DNAJC6: variants seen among roughly 807,000 people sequenced by gnomAD.
The protein encoded by DNAJC6 is auxilin.
Under a neutral mutation model 110.0 loss-of-function variants are expected in DNAJC6, and 34 were observed. That is an observed-to-expected ratio of 0.31 (90% CI 0.24 to 0.41). DNAJC6 has a LOEUF of 0.41. DNAJC6 is among the 10% of genes least tolerant of loss of function. The probability of loss-of-function intolerance (pLI) is 1.00; values close to 1 mark genes in which losing one functional copy is unlikely to be tolerated. For synonymous variants in DNAJC6, 406 were observed against 437.2 expected, an observed-to-expected ratio of 0.93 and a Z score of 0.89; for missense variants, 1,031 against 1,207.8, an observed-to-expected ratio of 0.85 and a Z score of 2.17.
Position 65,309,915 on chromosome 1 carries a change from G to T in DNAJC6, c.170G>T (p.Arg57Leu), listed in dbSNP as rs747115530. 5 of 1,531,138 alleles carry T rather than the reference G, an allele frequency of 3.3e-6. No individual in the cohort carries two copies. Among genetic ancestry groups the T allele is most frequent in the Middle Eastern group, 1.8e-4 (1 of 5,604 alleles). The allele number at this position is 1,531,138 out of a possible 1,614,324, so 94.8% of individuals were successfully genotyped here. The change falls in exon 1 of 19, where the codon CGC becomes CTC. Residue 57 changes from arginine to leucine, a missense_variant. Transcript: ENST00000371069. ...AGTCCCGCCCGACAGCCTCCGGACC[G>T]CGCCAGCACCATGGACAGCTCAGGT... ...ARSPARQPPD[R>L]ASTMDSSGAS...
intron 4 of DNAJC6, among the ~76,000 whole-genome samples, chr1:65,368,560 C>T (rs970474352): frequency 1.3e-5 from 2 of 149,586 alleles, no homozygotes; most frequent in African/African-American, 5.0e-5. Flanking sequence ...CTCCTTCCTT[C>T]CTTCCTTCTT....
At chr1:65,270,220 A>G (rs1653460747) in intron 1 of DNAJC6, among the ~76,000 whole-genome samples, 1 of 152,172 alleles carries the variant, frequency 6.6e-6, no homozygotes, top group Non-Finnish European at 1.5e-5. Flanking sequence ...GCATTTGCAT[A>G]TTGAAATACA....
chr1:65,389,895 C>T (rs1044179371), intron 11 of DNAJC6, among the ~76,000 whole-genome samples: 1 of 152,154 alleles, frequency 6.6e-6, no homozygotes, highest in Non-Finnish European at 1.5e-5. Flanking sequence ...TGCCTGTAGT[C>T]CTAGCTATGT....
intron 16 of DNAJC6, among the ~76,000 whole-genome samples, chr1:65,407,894 C>T (rs1646092615): frequency 6.6e-6 from 1 of 152,176 alleles, no homozygotes; most frequent in Admixed American, 6.5e-5. Flanking sequence ...ACTGTATGGA[C>T]TGTTATGTTT....
chr1:65,349,083 T>A (rs906748755), intron 1 of DNAJC6, among the ~76,000 whole-genome samples: 2 of 137,594 alleles, frequency 1.5e-5, no homozygotes, highest in African/African-American at 5.4e-5. Flanking sequence ...TATAAAAATA[T>A]ATATGTAAAT....
chr1:65,345,303 T>C (rs1645427271), intron 1 of DNAJC6, among the ~76,000 whole-genome samples: 1 of 151,646 alleles, frequency 6.6e-6, no homozygotes, highest in African/African-American at 2.4e-5. Flanking sequence ...CTTTCCCATA[T>C]AGAAATAAGA....
chr1:65,293,790 C>T (rs374309139), intron 1 of DNAJC6, among the ~76,000 whole-genome samples: 1 of 152,158 alleles, frequency 6.6e-6, no homozygotes, highest in African/African-American at 2.4e-5. Context: ...TATGCACGTA[C>T]AGAGGCATAG....
chr1:65,309,149 C>A (rs919679163), upstream of DNAJC6, among the ~76,000 whole-genome samples: 2 of 152,058 alleles, frequency 1.3e-5, no homozygotes, highest in Non-Finnish European at 2.9e-5. Flanking sequence ...ACCACAAGAC[C>A]CCTGGTCCTC....
At chr1:65,310,045 G>A (rs1263717160) in intron 1 of DNAJC6, 107 bp downstream of exon 1, 2 of 1,312,926 alleles carry the variant, frequency 1.5e-6, no homozygotes, top group African/African-American at 3.1e-5. Flanking sequence ...CGGTTTGCGA[G>A]AGAGCCGGGC....
chr1:65,357,147 GT>G (rs1017466167), intron 1 of DNAJC6, among the ~76,000 whole-genome samples: 3 of 152,150 alleles, frequency 2.0e-5, no homozygotes, highest in African/African-American at 7.2e-5. Context: ...AGTCACTTTA[GT>G]TTCAGGGATT....
At chr1:65,297,833 T>C (rs1644942421) in intron 1 of DNAJC6, among the ~76,000 whole-genome samples, 1 of 152,176 alleles carries the variant, frequency 6.6e-6, no homozygotes, top group Non-Finnish European at 1.5e-5. Flanking sequence ...AAACCTAAGA[T>C]TGGTCTGAGA....
At chr1:65,400,697 T>C (rs1293613740) in intron 14 of DNAJC6, among the ~76,000 whole-genome samples, 15 of 152,242 alleles carry the variant, frequency 9.9e-5, no homozygotes, top group Admixed American at 9.8e-4. Context: ...TTCTATTGTG[T>C]ATATACACCA....
intron 15 of DNAJC6, among the ~76,000 whole-genome samples, chr1:65,405,603 C>G (rs1052013084): frequency 6.6e-6 from 1 of 152,002 alleles, no homozygotes; most frequent in African/African-American, 2.4e-5. Flanking sequence ...TTGCTGTGTG[C>G]CTCTGAGAAA....
intron 1 of DNAJC6, among the ~76,000 whole-genome samples, chr1:65,339,315 A>T (rs1237032712): frequency 6.6e-6 from 1 of 152,204 alleles, no homozygotes; most frequent in Non-Finnish European, 1.5e-5. Context: ...ATCTTGTCTG[A>T]TGCCAAGGCC....
chr1:65,345,322 A>G (rs960243224), intron 1 of DNAJC6, among the ~76,000 whole-genome samples: 1 of 151,922 alleles, frequency 6.6e-6, no homozygotes, highest in Non-Finnish European at 1.5e-5. Context: ...GAAGGTAGGC[A>G]TGCATAGGCA....
chr1:65,346,614 AC>A (rs1645439392), intron 1 of DNAJC6, among the ~76,000 whole-genome samples: 2 of 151,692 alleles, frequency 1.3e-5, no homozygotes, highest in South Asian at 2.1e-4. Flanking sequence ...TTTTTCAGAG[AC>A]CCCTGCCCCA....
rs769980617 is a variant in DNAJC6, at chr1:65,389,458, C to A, written c.1387+9C>A. 6.2e-7 allele frequency: 1 copy of A among 1,613,736 alleles called. No individual in the cohort carries two copies. Among genetic ancestry groups the A allele is most frequent in the South Asian group, 1.1e-5 (1 of 91,002 alleles). On this transcript the variant is annotated intron_variant, in intron 10 of 18. Coordinates refer to ENST00000371069, the MANE Select transcript of DNAJC6 (RefSeq NM_001256864.2). Reference sequence around the variant, plus strand: ...TACGCTGGCCTTAGGAGGTATGAGTCACCTGATGGTTTTGTTTTTCAGGAT... The same window carrying A: ...TACGCTGGCCTTAGGAGGTATGAGTAACCTGATGGTTTTGTTTTTCAGGAT...
In DNAJC6 at chr1:65,375,744, G is replaced by T. The variant is rs1645759896; in HGVS notation, c.544-3658G>T. Among the ~76,000 whole-genome samples the T allele has an allele frequency of 3.9e-5, 6 of 152,174 alleles. No individual in the cohort carries two copies. The South Asian group carries it at 1.2e-3, about 32-fold the overall frequency. ...CCTGGCCATGAAGTGAATCTTTGTT[G>T]ATAATGGTGAATGATCTATTTAATG... On this transcript the variant is annotated intron_variant, in intron 4 of 18. Coordinates refer to ENST00000371069, the MANE Select transcript of DNAJC6 (RefSeq NM_001256864.2).
intron 1 of DNAJC6, among the ~76,000 whole-genome samples, chr1:65,266,648 A>G (rs1270303448): frequency 1.3e-5 from 2 of 151,876 alleles, no homozygotes; most frequent in South Asian, 2.1e-4. Context: ...AGAATGTTGG[A>G]TTTTCCTGTG....
Sources: allele counts gnomAD v4.1 joint callset (sites outside exome capture counted in the v4.1 genomes callset), GRCh38; gene constraint gnomAD v4.1.1; transcripts MANE v1.5; gene names NCBI Gene and HGNC (gene_info 2026-07-23, HGNC 2026-07-21).